Variants in NOMO2 observed in about 807,000 individuals in gnomAD.
The protein encoded by NOMO2 is BOS complex subunit NOMO2.
Under a neutral mutation model 67.1 loss-of-function variants are expected in NOMO2, and 14 were observed. The ratio of observed to expected loss-of-function variants is 0.21; its 90% CI spans 0.14 to 0.33. The LOEUF is 0.33. Ranked by LOEUF, NOMO2 falls within the 10% of genes least tolerant of loss-of-function variation. The probability of loss-of-function intolerance (pLI) is 1.00; values close to 1 mark genes in which losing one functional copy is unlikely to be tolerated. For synonymous variants in NOMO2, 80 were observed against 305.9 expected (o/e 0.26, Z 7.71); for missense variants, 178 against 761.0 (o/e 0.23, Z 9.01).
chr16:18,528,396 T>C (rs1219498161), intron 15 of NOMO2, among the ~76,000 whole-genome samples: 3 of 152,020 alleles, frequency 2.0e-5, no homozygotes, highest in South Asian at 2.1e-4. Flanking sequence ...CAAATCGACC[T>C]GTCAAGTTTT....
At chr16:18,544,195 A>AAAAATAATTTTT (rs1901615924) in intron 6 of NOMO2, among the ~76,000 whole-genome samples, 1 of 151,718 alleles carries the variant, frequency 6.6e-6, no homozygotes, top group African/African-American at 2.4e-5. Flanking sequence ...TGCCTGGCTT[A>AAAAATAATTTTT]TCATTATTTT....
rs1446908828 is a variant in NOMO2, at chr16:18,531,287, G to A, written c.1538-119C>T. The A allele has an allele frequency of 1.8e-4, 163 of 925,176 alleles. 7 individuals carry two copies. The highest frequency in any genetic ancestry group is 1.6e-4 in the Non-Finnish European group (96 of 596,148). 57.3% of individuals were successfully genotyped at this position (925,176 alleles called of 1,614,324 possible). A position where few individuals can be genotyped will look rare whatever the true frequency, so the allele number is the denominator to read the frequency against. On this transcript the variant is annotated intron_variant, in intron 13 of 30. Coordinates refer to ENST00000622306, the MANE Select transcript of NOMO2 (RefSeq NM_173614.4). ...GCTGAGCTCCTAAGAGGCAGTGGCC[G>A]GAGGCAGACGGAGTGCTTCTTTCAA...
chr16:18,557,895 C>T, intron 1 of NOMO2, 104 bp from the exon 2 acceptor site: 2 of 1,594,776 alleles, frequency 1.3e-6, no homozygotes, highest in South Asian at 1.1e-5. Flanking sequence ...CACTGAGGAC[C>T]TACTATATAC....
intron 2 of NOMO2, among the ~76,000 whole-genome samples, chr16:18,556,268 T>C (rs1901900889): frequency 2.0e-5 from 3 of 150,332 alleles, no homozygotes; most frequent in Admixed American, 2.0e-4. Flanking sequence ...CTGGCCAACA[T>C]GGTGAAACAC....
At chr16:18,545,391 C>G (rs1480367068) in intron 6 of NOMO2, among the ~76,000 whole-genome samples, 1 of 151,842 alleles carries the variant, frequency 6.6e-6, no homozygotes, top group Non-Finnish European at 1.5e-5. Flanking sequence ...GCAACTGCAC[C>G]CAGCCTTGAA....
intron 12 of NOMO2, 50 bp downstream of exon 12, chr16:18,532,955 A>C (rs1347287672): frequency 6.6e-7 from 1 of 1,505,962 alleles, no homozygotes. Context: ...CCCTTCTAAA[A>C]ATCACTGCTT....
chr16:18,557,699 T>C lies in NOMO2; in HGVS notation c.255+3A>G, dbSNP rs779838793. 66 of 1,610,704 alleles carry C rather than the reference T, an allele frequency of 4.1e-5. No homozygotes were observed. Among genetic ancestry groups the C allele is most frequent in the Non-Finnish European group, 4.9e-5 (58 of 1,178,988 alleles). On this transcript the variant is annotated splice_donor_region_variant and intron_variant, in intron 2 of 30. Transcript: ENST00000622306. ...TCATAAGTGACAAGCAGTCCCCTCTTACCTTATCATACAAAGGGATCATAA... is the reference window on the plus strand; with the variant it reads ...TCATAAGTGACAAGCAGTCCCCTCTCACCTTATCATACAAAGGGATCATAA...
At chr16:18,526,732 C>T (rs1055789867) in intron 16 of NOMO2, among the ~76,000 whole-genome samples, 7 of 151,880 alleles carry the variant, frequency 4.6e-5, no homozygotes, top group Non-Finnish European at 8.8e-5. Flanking sequence ...AGTGGCTGGC[C>T]ATGGCTAGAA....
chr16:18,547,706 T>C (rs1901684136), intron 5 of NOMO2, among the ~76,000 whole-genome samples: 1 of 151,074 alleles, frequency 6.6e-6, no homozygotes, highest in African/African-American at 2.4e-5. Context: ...AAGGGAGAAG[T>C]GGGGTGAAAA....
chr16:18,545,419 T>TTGC (rs1195927564), intron 6 of NOMO2, among the ~76,000 whole-genome samples: 22 of 152,030 alleles, frequency 1.4e-4, no homozygotes, highest in African/African-American at 5.3e-4. Flanking sequence ...TTTTTAAATG[T>TTGC]TGCTGCAGAA....
chr16:18,553,072 G>A lies in NOMO2; in HGVS notation c.302-1533C>T, dbSNP rs191114882. On this transcript the variant is annotated intron_variant, in intron 3 of 30. Transcript: ENST00000622306. ...GCAGATCACTTGAGGTCAGGAGTTC[G>A]AGACCAGCCTGGGTCAACATGATGA... is the stretch of plus-strand genomic sequence containing the variant. 9.7e-3 allele frequency among the ~76,000 whole-genome samples: 1,469 copies of A among 151,764 alleles called. 28 individuals carry two copies. Among genetic ancestry groups the A allele is most frequent in the African/African-American group, 0.032 (1,343 of 41,350 alleles).
chr16:18,550,545 G>A (rs1389509052), intron 4 of NOMO2, among the ~76,000 whole-genome samples: 2 of 151,948 alleles, frequency 1.3e-5, no homozygotes, highest in East Asian at 3.9e-4. Context: ...CCATCATGAA[G>A]AGAAGGACAG....
intron 4 of NOMO2, among the ~76,000 whole-genome samples, chr16:18,550,456 C>G: frequency 6.6e-6 from 1 of 151,320 alleles, no homozygotes; most frequent in African/African-American, 2.4e-5. Flanking sequence ...CCAAGATCCC[C>G]ATCTCTAACA....
At chr16:18,552,269 A>AT (rs1480016170) in intron 3 of NOMO2, among the ~76,000 whole-genome samples, 1 of 129,622 alleles carries the variant, frequency 7.7e-6, no homozygotes, top group African/African-American at 2.8e-5. Flanking sequence ...GGAAATCTGG[A>AT]TTTTATATAC....
In NOMO2 at chr16:18,526,294, C is replaced by A. The variant is rs1049219912; in HGVS notation, c.1894+1243G>T. 2.8e-4 allele frequency among the ~76,000 whole-genome samples: 43 copies of A among 152,184 alleles called. No individual in the cohort carries two copies. The Middle Eastern group carries it at 0.01, about 36-fold the overall frequency. On this transcript the variant is annotated intron_variant, in intron 16 of 30. Coordinates refer to ENST00000622306, the MANE Select transcript of NOMO2 (RefSeq NM_173614.4). ...ATGTTGGCGAAGGAGGTGAAGAAAC[C>A]GGAACCCTCGTGCATTGCTGGTGGG...
At chr16:18,554,636 T>C (rs970527694) in intron 3 of NOMO2, among the ~76,000 whole-genome samples, 171 bp downstream of exon 3, 29 of 137,750 alleles carry the variant, frequency 2.1e-4, no homozygotes, top group African/African-American at 7.8e-4. Context: ...TTAAGGTAAA[T>C]CCGAACTAAA....
chr16:18,561,182 A>AC lies in NOMO2; in HGVS notation c.165+693_165+694insG, dbSNP rs1385829288. On this transcript the variant is annotated intron_variant, in intron 1 of 30. Transcript: ENST00000622306. ...GACTTTACAACTTAATTAAAAAAAAAAAAAAAAAAAAAAAAAAAAAAAAAA... is the reference window on the plus strand; with the variant it reads ...GACTTTACAACTTAATTAAAAAAAAACAAAAAAAAAAAAAAAAAAAAAAAAA... Among the ~76,000 whole-genome samples the AC allele has an allele frequency of 7.5e-4, 93 of 123,898 alleles. 4 individuals carry two copies. In the South Asian group the frequency reaches 0.02, roughly 26 times the overall value. 81.3% of individuals were successfully genotyped at this position (123,898 alleles called of 152,430 possible). A position where few individuals can be genotyped will look rare whatever the true frequency, so the allele number is the denominator to read the frequency against.
chr16:18,536,985 C>T (rs1239109376), intron 11 of NOMO2, among the ~76,000 whole-genome samples: 1 of 151,914 alleles, frequency 6.6e-6, no homozygotes. Flanking sequence ...GCCCTACCTC[C>T]TACCCCAAAC....
intron 2 of NOMO2, among the ~76,000 whole-genome samples, chr16:18,556,613 CA>C (rs1254930722): frequency 6.6e-6 from 1 of 151,732 alleles, no homozygotes; most frequent in African/African-American, 2.4e-5. Flanking sequence ...ATATCAAAAT[CA>C]AAACTATGTG....
Sources: gnomAD v4.1 joint callset for allele counts (sites outside exome capture counted in the v4.1 genomes callset) on GRCh38, gnomAD v4.1.1 for gene constraint, MANE v1.5 for transcripts, NCBI Gene and HGNC (gene_info 2026-07-23, HGNC 2026-07-21) for gene names.